MCTP2: variants seen among roughly 807,000 people sequenced by gnomAD.
The protein encoded by MCTP2 is multiple C2 and transmembrane domain-containing protein 2.
In MCTP2, 132 loss-of-function variants were observed where a neutral mutation model predicts 111.6. That is an observed-to-expected ratio of 1.18 (90% CI 1.03 to 1.37). MCTP2 has a LOEUF of 1.37. Ranked by LOEUF, MCTP2 falls within the 40% of genes most tolerant of loss-of-function variation. The pLI is 0.00. For missense variants in MCTP2, 1,183 were observed against 1,067.9 expected (o/e 1.11, Z -1.50); for synonymous variants, 395 against 387.7 (o/e 1.02, Z -0.22).
At chr15:94,383,693 C>T (rs1000540861) in intron 12 of MCTP2, among the ~76,000 whole-genome samples, 1 of 152,168 alleles carries the variant, frequency 6.6e-6, no homozygotes, top group Non-Finnish European at 1.5e-5. Context: ...GGGAAACCGC[C>T]CCCATGATTC....
At chr15:94,317,062 C>G (rs1342598477) in intron 4 of MCTP2, among the ~76,000 whole-genome samples, 1 of 152,036 alleles carries the variant, frequency 6.6e-6, no homozygotes, top group Non-Finnish European at 1.5e-5. Context: ...TTGTACTGTT[C>G]TGTTTACCAA....
At chr15:94,331,811 GA>G (rs1374762931) in intron 4 of MCTP2, among the ~76,000 whole-genome samples, 1 of 152,198 alleles carries the variant, frequency 6.6e-6, no homozygotes, top group East Asian at 1.9e-4. Flanking sequence ...TTAGAGGAAG[GA>G]AGTCAATTGT....
intron 19 of MCTP2, 44 bp downstream of exon 19, chr15:94,443,004 T>G (rs770740907): frequency 1.3e-6 from 2 of 1,558,672 alleles, no homozygotes; most frequent in Non-Finnish European, 1.8e-6. Flanking sequence ...AACACTAGTG[T>G]TGTCAACAGA....
intron 17 of MCTP2, among the ~76,000 whole-genome samples, chr15:94,421,990 G>A (rs1346191726): frequency 3.3e-5 from 5 of 152,154 alleles, no homozygotes; most frequent in African/African-American, 1.2e-4. Context: ...GTGTTTCAAT[G>A]AGAGGCTTAA....
chr15:94,340,879 G>C lies in MCTP2; in HGVS notation c.924G>C (p.Val308=), dbSNP rs8025851. 752,157 of 1,609,222 alleles carry C rather than the reference G, an allele frequency of 0.47. 177,762 individuals are homozygous for C. The highest frequency in any genetic ancestry group is 0.58 in the African/African-American group (43,448 of 74,808). ...NSLEDDMGVI[V]LNLNLVVKQG... ...TAGAAGATGACATGGGAGTGATCGT[G>C]TTAAATTTGAACCTAGTGGTAAAAC... Residue 308 remains valine (V), a synonymous_variant, in exon 7 of 23, where the codon GTG becomes GTC. Transcript: ENST00000357742.
intron 7 of MCTP2, chr15:94,342,724 A>G (rs958368158): frequency 6.6e-5 from 10 of 151,280 alleles, no homozygotes; most frequent in African/African-American, 2.4e-4. Flanking sequence ...ATCTCTATAT[A>G]TGCACATATA....
chr15:94,476,964 A>C (rs1288386683), intron 22 of MCTP2, among the ~76,000 whole-genome samples, 171 bp downstream of exon 22: 1 of 152,166 alleles, frequency 6.6e-6, no homozygotes, highest in Non-Finnish European at 1.5e-5. Flanking sequence ...TGTCCAAAGC[A>C]TGAGGTGATT....
intron 17 of MCTP2, among the ~76,000 whole-genome samples, chr15:94,422,384 C>T (rs1254371848): frequency 6.6e-6 from 1 of 152,184 alleles, no homozygotes; most frequent in South Asian, 2.1e-4. Flanking sequence ...TGTTTCCCCA[C>T]GTGACTCTAC....
chr15:94,360,814 G>A (rs1048819497), intron 10 of MCTP2, among the ~76,000 whole-genome samples: 2 of 150,470 alleles, frequency 1.3e-5, no homozygotes, highest in African/African-American at 4.9e-5. Flanking sequence ...ACCTGTCTTG[G>A]TGGTCATTCT....
chr15:94,245,328 A>G (rs1596159535), intron 1 of MCTP2, among the ~76,000 whole-genome samples: 1 of 140,772 alleles, frequency 7.1e-6, no homozygotes, highest in South Asian at 2.2e-4. Flanking sequence ...ATATTTACAT[A>G]CATATGTGTA....
chr15:94,410,424 A>T (rs2082103908), intron 17 of MCTP2, among the ~76,000 whole-genome samples: 1 of 152,018 alleles, frequency 6.6e-6, no homozygotes, highest in Non-Finnish European at 1.5e-5. Flanking sequence ...TTCATGCTTG[A>T]CCTAATAAAT....
rs138347384 is a variant in MCTP2 at position 94,451,328 on chromosome 15, C to T, written c.2251-6809C>T. Among the ~76,000 whole-genome samples the T allele has an allele frequency of 1.2e-4, 18 of 152,186 alleles. No individual in the cohort carries two copies. In the East Asian group the frequency reaches 3.5e-3, roughly 29 times the overall value. On this transcript the variant is annotated intron_variant, in intron 19 of 22. Coordinates refer to ENST00000357742, the MANE Select transcript of MCTP2 (RefSeq NM_001385001.1). ...AAACCTTATGAAATTTGAAAAATTCCATGCTTTCATCTCTTCATTATTTGG... is the reference window on the plus strand; with the variant it reads ...AAACCTTATGAAATTTGAAAAATTCTATGCTTTCATCTCTTCATTATTTGG...
chr15:94,442,504 T>C (rs1240744834), intron 18 of MCTP2, among the ~76,000 whole-genome samples: 1 of 152,204 alleles, frequency 6.6e-6, no homozygotes, highest in Non-Finnish European at 1.5e-5. Flanking sequence ...TACTGTCTGA[T>C]GTTTCAGTAA....
chr15:94,334,836 C>T (rs1415128362), intron 4 of MCTP2, among the ~76,000 whole-genome samples: 2 of 152,176 alleles, frequency 1.3e-5, no homozygotes, highest in Non-Finnish European at 2.9e-5. Flanking sequence ...GCGTGAGCCA[C>T]TGTATCCAGC....
In MCTP2 at chr15:94,298,695, ACTTCC is replaced by A. The variant is rs773630134; in HGVS notation, c.434_438del (p.Ser145TrpfsTer16). 6 of 1,611,884 alleles carry A rather than the reference ACTTCC, an allele frequency of 3.7e-6. No individual in the cohort carries two copies. The African/African-American group carries it at 6.7e-5, about 18-fold the overall frequency. On this transcript the variant is annotated frameshift_variant, in exon 2 of 23. Coordinates refer to ENST00000357742, the MANE Select transcript of MCTP2 (RefSeq NM_001385001.1). LOFTEE classifies it high-confidence loss of function. The stretch of plus-strand genomic sequence containing the variant: ...CAACGGCATCTTTGATCTTCAGAAA[ACTTCC>A]CTTGGAGGGGATGCACCAGAAGAGC...
intron 14 of MCTP2, among the ~76,000 whole-genome samples, chr15:94,394,472 C>T (rs2081177181): frequency 6.6e-6 from 1 of 152,068 alleles, no homozygotes; most frequent in East Asian, 1.9e-4. Flanking sequence ...AAAAATGTTA[C>T]ATTAACATTG....
At chr15:94,400,025 T>C (rs556686235) in intron 16 of MCTP2, 30 bp downstream of exon 16, 1 of 1,592,298 alleles carries the variant, frequency 6.3e-7, no homozygotes, top group Admixed American at 1.7e-5. Flanking sequence ...GGCTTGTTGA[T>C]TGGTACACTC....
intron 1 of MCTP2, among the ~76,000 whole-genome samples, chr15:94,275,167 GTATT>G (rs1388852405): frequency 6.6e-6 from 1 of 152,118 alleles, no homozygotes; most frequent in Non-Finnish European, 1.5e-5. Flanking sequence ...AACTTGATGA[GTATT>G]TATCTTAGAA....
intron 1 of MCTP2, among the ~76,000 whole-genome samples, chr15:94,296,421 A>G (rs1455573134): frequency 6.6e-6 from 1 of 152,222 alleles, no homozygotes; most frequent in African/African-American, 2.4e-5. Context: ...TGTATTAAAC[A>G]TTTACTCCAT....
Sources: allele counts gnomAD v4.1 joint callset (sites outside exome capture counted in the v4.1 genomes callset), GRCh38; gene constraint gnomAD v4.1.1; transcripts MANE v1.5; gene names NCBI Gene and HGNC (gene_info 2026-07-23, HGNC 2026-07-21).